The following BICD1 variants were observed in gnomAD, a reference collection of about 807,000 sequenced individuals.
The protein encoded by BICD1 is BICD cargo adaptor 1.
A neutral mutation model predicts 92.5 loss-of-function variants in BICD1; 35 were observed. That is an observed-to-expected ratio of 0.38 (90% confidence interval 0.29 to 0.50). BICD1 has a LOEUF of 0.50. Among genes scored for constraint, BICD1 ranks in the 20% least tolerant of loss-of-function variants. BICD1 has a pLI of 0.93. For synonymous variants in BICD1, 429 were observed against 465.1 expected (o/e 0.92, Z 1.00); for missense variants, 950 against 1,189.8 (o/e 0.80, Z 2.97).
chr12:32,129,840 T>A (rs1353662871), intron 1 of BICD1, among the ~76,000 whole-genome samples: 2 of 152,174 alleles, frequency 1.3e-5, no homozygotes, highest in East Asian at 3.9e-4. Flanking sequence ...AGAAAATTCC[T>A]GAGAATATTT....
rs1565709296 is a variant in BICD1, at chr12:32,380,442, T to G, written c.*2815T>G. The G allele has an allele frequency of 6.6e-6, 1 of 152,180 alleles. No individual in the cohort carries two copies. Among genetic ancestry groups the G allele is most frequent in the Non-Finnish European group, 1.5e-5 (1 of 68,012 alleles). The allele number at this position is 152,180 out of a possible 1,614,324, so 9.4% of individuals were successfully genotyped here. On this transcript the variant is annotated 3_prime_UTR_variant, in exon 10 of 10. Transcript: ENST00000652176. ...GCACTAAAAAATACTGGCTAATTATTGCAAACAGAGTGAGCAAAGATTAAT... is the reference window on the plus strand; with the variant it reads ...GCACTAAAAAATACTGGCTAATTATGGCAAACAGAGTGAGCAAAGATTAAT...
chr12:32,307,562 A>G (rs1565659397), intron 4 of BICD1, among the ~76,000 whole-genome samples: 1 of 152,194 alleles, frequency 6.6e-6, no homozygotes, highest in African/African-American at 2.4e-5. Context: ...TTAATCTTCA[A>G]TCTCAATCTT....
rs983761325 is a variant in BICD1, at chr12:32,106,874, C to G, written c.-458C>G. The G allele has an allele frequency of 6.2e-6, 1 of 161,194 alleles. No individual in the cohort carries two copies. Among genetic ancestry groups the G allele is most frequent in the East Asian group, 2.0e-4 (1 of 5,042 alleles). The allele number at this position is 161,194 out of a possible 1,614,324, so 10.0% of individuals were successfully genotyped here. ...CATTCCGCACCGGCTGCTGCAGGGC[C>G]AGAGGGAGCAGGTGGAGCGAGAGAG... On this transcript the variant is annotated 5_prime_UTR_variant, in exon 1 of 10. Coordinates refer to ENST00000652176, the MANE Select transcript of BICD1 (RefSeq NM_001714.4).
At position 32,328,742 on chromosome 12, in the gene BICD1, T is replaced by A. The variant is rs563315715; in HGVS notation, c.2100+187T>A. Among the ~76,000 whole-genome samples, 1 of 152,304 alleles carries A rather than the reference T, an allele frequency of 6.6e-6. No individual in the cohort carries two copies. Among genetic ancestry groups the A allele is most frequent in the East Asian group, 1.9e-4 (1 of 5,180 alleles). On this transcript the variant is annotated intron_variant, in intron 5 of 9. Transcript: ENST00000652176. The surrounding 1 kb of genome is among the most constrained non-coding windows in gnomAD (Gnocchi z 4.4). The stretch of plus-strand genomic sequence containing the variant: ...TATTGTTTTTAAATGATGAAATACC[T>A]GTGCCCAGTTAGGTGGAGGCAGAGG...
chr12:32,153,376 T>C (rs112883583), intron 1 of BICD1, among the ~76,000 whole-genome samples: 16,941 of 152,192 alleles, frequency 0.11, 1,129 homozygotes, highest in Middle Eastern at 0.21. Flanking sequence ...GCGATAAACA[T>C]GTGAGTGCCC....
At chr12:32,240,249 A>G (rs1485475420) in intron 2 of BICD1, among the ~76,000 whole-genome samples, 1 of 152,218 alleles carries the variant, frequency 6.6e-6, no homozygotes, top group Non-Finnish European at 1.5e-5. Flanking sequence ...ATACCAAAGT[A>G]CTATGAATTT....
chr12:32,150,344 C>T (rs4931614), intron 1 of BICD1, among the ~76,000 whole-genome samples: 130,621 of 152,230 alleles, frequency 0.86, 56,252 homozygotes, highest in African/African-American at 0.92. Flanking sequence ...GTCCATTATT[C>T]TGGTCTGTCT....
At chr12:32,117,869 G>A (rs1941994185) in intron 1 of BICD1, among the ~76,000 whole-genome samples, 1 of 149,662 alleles carries the variant, frequency 6.7e-6, no homozygotes, top group African/African-American at 2.4e-5. Flanking sequence ...TCCTGCCTCA[G>A]GCTCCCGAGT....
chr12:32,177,750 A>ATAAATATATT, intron 1 of BICD1, among the ~76,000 whole-genome samples: 1 of 136,922 alleles, frequency 7.3e-6, no homozygotes, highest in African/African-American at 2.6e-5. Context: ...TATAAAATAT[A>ATAAATATATT]TATAAATATT....
intron 1 of BICD1, among the ~76,000 whole-genome samples, chr12:32,133,872 C>T (rs1047694208): frequency 7.3e-5 from 11 of 151,264 alleles, no homozygotes; most frequent in Admixed American, 1.3e-4. Flanking sequence ...ACCTCCGCCT[C>T]CCGGGTTCAC....
intron 1 of BICD1, among the ~76,000 whole-genome samples, chr12:32,190,775 C>A (rs1395205850): frequency 4.6e-5 from 7 of 152,128 alleles, no homozygotes; most frequent in Non-Finnish European, 7.4e-5. Context: ...ACCATCTCAT[C>A]CAATAGCAGC....
At chr12:32,187,422 T>C (rs1349742309) in intron 1 of BICD1, among the ~76,000 whole-genome samples, 3 of 152,040 alleles carry the variant, frequency 2.0e-5, no homozygotes, top group African/African-American at 4.8e-5. Context: ...GTCTGTAATC[T>C]CAGCACTTTG....
chr12:32,332,664 C>T (rs1313075675), intron 5 of BICD1: 1 of 280,212 alleles, frequency 3.6e-6, no homozygotes, highest in Non-Finnish European at 5.4e-6. Context: ...GAGGAAGCAA[C>T]TAAGGTTTCC....
At chr12:32,336,018 A>G (rs927249863) in intron 6 of BICD1, among the ~76,000 whole-genome samples, 2 of 152,198 alleles carry the variant, frequency 1.3e-5, no homozygotes, top group Non-Finnish European at 2.9e-5. Flanking sequence ...AAAACAAACA[A>G]AAAAAGATCT....
chr12:32,346,618 A>G (rs1401875895), intron 8 of BICD1, among the ~76,000 whole-genome samples: 7 of 18,468 alleles, frequency 3.8e-4, no homozygotes, highest in Middle Eastern at 0.026. Flanking sequence ...ATATACGTGT[A>G]TATATATATA....
At chr12:32,125,406 C>T (rs1054080175) in intron 1 of BICD1, among the ~76,000 whole-genome samples, 6 of 152,152 alleles carry the variant, frequency 3.9e-5, no homozygotes, top group African/African-American at 7.2e-5. Context: ...CAAGTTTAAC[C>T]TCCATTTTCT....
chr12:32,111,160 C>G (rs1941676805), intron 1 of BICD1, among the ~76,000 whole-genome samples: 1 of 152,176 alleles, frequency 6.6e-6, no homozygotes, highest in African/African-American at 2.4e-5. Flanking sequence ...ATACCGTAAA[C>G]TATGCACTAA....
intron 4 of BICD1, among the ~76,000 whole-genome samples, chr12:32,323,376 G>T (rs893176641): frequency 6.6e-6 from 1 of 152,204 alleles, no homozygotes; most frequent in Admixed American, 6.5e-5. Context: ...AGCTAACATT[G>T]TAGAACCTTC....
intron 2 of BICD1, among the ~76,000 whole-genome samples, chr12:32,289,799 T>C (rs1947678611): frequency 6.6e-6 from 1 of 152,394 alleles, no homozygotes; most frequent in African/African-American, 2.4e-5. Context: ...GCATATTTGC[T>C]TAAAATAATC....
Sources: gnomAD v4.1 joint callset for allele counts (sites outside exome capture counted in the v4.1 genomes callset) on GRCh38, gnomAD v4.1.1 for gene constraint, Gnocchi (gnomAD v3.1) non-coding constraint, MANE v1.5 for transcripts, NCBI Gene and HGNC (gene_info 2026-07-23, HGNC 2026-07-21) for gene names.